Variants in NEO1 observed in about 807,000 individuals in gnomAD.
NEO1 encodes neogenin.
Under a neutral mutation model 159.7 loss-of-function variants are expected in NEO1, and 63 were observed. That is an observed-to-expected ratio of 0.39 (90% CI 0.32 to 0.49). The LOEUF (loss-of-function observed/expected upper bound fraction) is 0.49, where lower values mean the gene tolerates loss of function less well. Ranked by LOEUF, NEO1 falls within the 20% of genes least tolerant of loss-of-function variation. The pLI, the probability that NEO1 is intolerant of heterozygous loss-of-function variation, is 0.85. For synonymous variants in NEO1, 633 were observed against 662.0 expected (o/e 0.96, Z 0.67); for missense variants, 1,615 against 1,831.0 (o/e 0.88, Z 2.15).
At chr15:73,116,893 A>G (rs1395771714) in intron 2 of NEO1, 36 bp downstream of exon 2, 1 of 1,452,752 alleles carries the variant, frequency 6.9e-7, no homozygotes, top group East Asian at 2.3e-5. Context: ...TGCATTTTCA[A>G]ATATTTATAA....
At chr15:73,236,971 C>A (rs559832519) in intron 8 of NEO1, among the ~76,000 whole-genome samples, 3 of 152,208 alleles carry the variant, frequency 2.0e-5, no homozygotes, top group Non-Finnish European at 2.9e-5. Flanking sequence ...TTTCCACCCC[C>A]TCAGGAGCTC....
At chr15:73,233,758 G>T (rs74405601) in intron 7 of NEO1, among the ~76,000 whole-genome samples, 109 of 152,200 alleles carry the variant, frequency 7.2e-4, no homozygotes, top group African/African-American at 2.6e-3. Flanking sequence ...CTCCCTGCTT[G>T]CATTCCCTCC....
intron 8 of NEO1, among the ~76,000 whole-genome samples, chr15:73,242,148 T>C (rs2039519922): frequency 6.6e-6 from 1 of 152,134 alleles, no homozygotes; most frequent in African/African-American, 2.4e-5. Flanking sequence ...TCAACTTTCC[T>C]GTGTGGGGTG....
chr15:73,182,437 C>G (rs1033727207), intron 7 of NEO1, among the ~76,000 whole-genome samples: 9 of 152,168 alleles, frequency 5.9e-5, no homozygotes, highest in Admixed American at 3.9e-4. Context: ...TCTACAACGT[C>G]ACAGGTTCTC....
At chr15:73,278,280 C>T in intron 22 of NEO1, 81 bp downstream of exon 22, 1 of 1,264,526 alleles carries the variant, frequency 7.9e-7, no homozygotes, top group Non-Finnish European at 1.1e-6. Context: ...TCCTTTATAG[C>T]TTGTGTGTGG....
intron 7 of NEO1, among the ~76,000 whole-genome samples, chr15:73,229,505 A>G (rs1471585501): frequency 6.7e-6 from 1 of 149,506 alleles, no homozygotes; most frequent in Non-Finnish European, 1.5e-5. Context: ...TAATTATGTC[A>G]TTCACACATG....
At chr15:73,114,792 T>TG (rs894493490) in intron 1 of NEO1, among the ~76,000 whole-genome samples, 1 of 152,112 alleles carries the variant, frequency 6.6e-6, no homozygotes, top group African/African-American at 2.4e-5. Context: ...GAGTTAAGTT[T>TG]GGGGGGTATA....
Position 73,278,152 on chromosome 15 carries a change from G to A in NEO1, c.3215G>A (p.Gly1072Glu). 1 of 1,613,294 alleles carries A rather than the reference G, an allele frequency of 6.2e-7. No homozygotes were observed. ...TTAGCCTCAGGGTCTGGAGGGAAAG[G>A]AAGCCGGCTGCCAGACCTAGGATCC... ...NDQASGSGGK[G>E]SRLPDLGSDY... is the part of the protein sequence containing the mutation. The change falls in exon 22 of 29, where the codon GGA becomes GAA. Residue 1072 changes from glycine (G) to glutamate (E), a missense_variant. Gly to Glu is a moderately conservative substitution (Grantham distance 98, BLOSUM62 -2). Coordinates refer to ENST00000261908, the MANE Select transcript of NEO1 (RefSeq NM_002499.4).
intron 7 of NEO1, among the ~76,000 whole-genome samples, chr15:73,231,541 TG>T (rs1336216196): frequency 3.3e-5 from 5 of 152,168 alleles, no homozygotes; most frequent in African/African-American, 1.2e-4. Context: ...AAGACCAGCC[TG>T]GGCAACATGG....
intron 1 of NEO1, among the ~76,000 whole-genome samples, chr15:73,053,870 T>G (rs902616719): frequency 1.3e-5 from 2 of 152,240 alleles, no homozygotes; most frequent in Non-Finnish European, 2.9e-5. Context: ...CCAGTACTTG[T>G]TTTTCCCTGA....
At chr15:73,282,908 G>A in intron 22 of NEO1, 56 bp from the exon 23 acceptor site, 2 of 1,575,544 alleles carry the variant, frequency 1.3e-6, no homozygotes, top group Non-Finnish European at 1.7e-6. Flanking sequence ...TAGCTTGATA[G>A]TATGCATGTT....
At chr15:73,236,245 G>C (rs758737793) in intron 7 of NEO1, 102 bp from the exon 8 acceptor site, 5 of 1,489,532 alleles carry the variant, frequency 3.4e-6, no homozygotes, top group Non-Finnish European at 4.6e-6. Context: ...TAAAACCGTC[G>C]TGGTTTGCCC....
Position 73,289,178 on chromosome 15 carries a change from G to T in NEO1, c.3682G>T (p.Ala1228Ser). ...HESEDSMSTL[A>S]GRRGMRPKMM... ...GTCAGAGGACAGCATGTCTACACTG[G>T]CTGGAAGGCGAGGAATGAGACCAAA... The change falls in exon 25 of 29, where the codon GCT (alanine) becomes TCT (serine). Residue 1228 changes from alanine (A) to serine (S), a missense_variant. Physicochemically the swap from Ala to Ser is moderately conservative, Grantham distance 99 (BLOSUM62 1). Transcript: ENST00000261908. 2.5e-6 allele frequency: 4 copies of T among 1,614,064 alleles called. No individual in the cohort carries two copies. The highest frequency in any genetic ancestry group is 1.6e-4 in the Middle Eastern group (1 of 6,062).
chr15:73,259,369 A>ATTTTTT (rs2040513909), intron 14 of NEO1, among the ~76,000 whole-genome samples: 2 of 38,864 alleles, frequency 5.1e-5, no homozygotes. Flanking sequence ...TCATTTTACT[A>ATTTTTT]ATTTTTTTTT....
At chr15:73,249,011 G>C in intron 9 of NEO1, 49 bp from the exon 10 acceptor site, 1 of 1,590,212 alleles carries the variant, frequency 6.3e-7, no homozygotes, top group Non-Finnish European at 8.6e-7. Context: ...GGTTATTGAG[G>C]AGTGTAGCAT....
At chr15:73,156,603 A>G (rs2033795919) in intron 5 of NEO1, among the ~76,000 whole-genome samples, 1 of 152,178 alleles carries the variant, frequency 6.6e-6, no homozygotes, top group South Asian at 2.1e-4. Context: ...AGTTGTTGCA[A>G]TGGGCTGTGC....
At chr15:73,143,274 A>T (rs946150172) in intron 5 of NEO1, 1 of 157,858 alleles carries the variant, frequency 6.3e-6, no homozygotes, top group Non-Finnish European at 1.4e-5. Context: ...CAAGAGTGGC[A>T]TGATGCCCTG....
At chr15:73,083,440 A>G (rs1047471526) in intron 1 of NEO1, among the ~76,000 whole-genome samples, 3 of 152,042 alleles carry the variant, frequency 2.0e-5, no homozygotes, top group East Asian at 1.9e-4. Flanking sequence ...TAAAACATAT[A>G]TATATATAAA....
chr15:73,238,113 T>A (rs2150868093), intron 8 of NEO1, among the ~76,000 whole-genome samples: 1 of 152,188 alleles, frequency 6.6e-6, no homozygotes, highest in Admixed American at 6.5e-5. Flanking sequence ...TGACATGACT[T>A]GGCAGCTTGA....
Sources: allele counts gnomAD v4.1 joint callset (sites outside exome capture counted in the v4.1 genomes callset), GRCh38; gene constraint gnomAD v4.1.1; transcripts MANE v1.5; gene names NCBI Gene and HGNC (gene_info 2026-07-23, HGNC 2026-07-21).